Variants in TTBK1 observed in about 807,000 individuals in gnomAD.
TTBK1 encodes the protein tau tubulin kinase 1.
A neutral mutation model predicts 108.5 loss-of-function variants in TTBK1; 34 were observed. The ratio of observed to expected loss-of-function variants is 0.31; its 90% confidence interval spans 0.24 to 0.42. The LOEUF is 0.42. TTBK1 is among the 10% of genes least tolerant of loss of function. The pLI, the probability that TTBK1 is intolerant of heterozygous loss-of-function variation, is 1.00. For missense variants in TTBK1, 1,539 were observed against 1,826.0 expected, an observed-to-expected ratio of 0.84 and a Z score of 2.86; for synonymous variants, 809 against 795.1, an observed-to-expected ratio of 1.02 and a Z score of -0.29.
chr6:43,246,724 G>A lies in TTBK1; in HGVS notation c.64G>A (p.Asp22Asn). 1.9e-6 allele frequency: 3 copies of A among 1,610,628 alleles called. No individual in the cohort carries two copies. Among genetic ancestry groups the A allele is most frequent in the South Asian group, 1.1e-5 (1 of 90,690 alleles). The change falls in exon 2 of 15, where the codon GAC becomes AAC. Residue 22 changes from aspartate (D) to asparagine (N), a missense_variant. By Grantham distance (23) the Asp-to-Asn change is conservative. Around this residue, in one of 5 missense-constraint regions of TTBK1, gnomAD observed 45 missense variants for 38.0 expected, o/e 1.19. Coordinates refer to ENST00000259750, the MANE Select transcript of TTBK1 (RefSeq NM_032538.3). ...CATGAGTGGGGGAGGGGAGCAGGCC[G>A]ACATCCTGCCGGCCAACTACGTGGT... ...TNMSGGGEQA[D>N]ILPANYVVKD...
At chr6:43,268,231 C>T (rs1777733365) in intron 13 of TTBK1, among the ~76,000 whole-genome samples, 2 of 152,192 alleles carry the variant, frequency 1.3e-5, no homozygotes, top group Admixed American at 6.5e-5. Flanking sequence ...TCAAGCCACC[C>T]ACATGTGCTG....
At chr6:43,252,238 G>A (rs1777264498) in intron 2 of TTBK1, among the ~76,000 whole-genome samples, 1 of 150,026 alleles carries the variant, frequency 6.7e-6, no homozygotes, top group African/African-American at 2.5e-5. Context: ...GGTTGCTCAG[G>A]AGCTGAGCTG....
chr6:43,284,954 C>G, intron 14 of TTBK1, 29 bp from the exon 15 acceptor site: 1 of 1,501,810 alleles, frequency 6.7e-7, no homozygotes, highest in South Asian at 1.2e-5. Flanking sequence ...TTGCCCTCTT[C>G]TTTTCTCCTG....
In TTBK1 at chr6:43,263,191, G is replaced by T; in HGVS notation, c.1827G>T (p.Gln609His). 4 of 1,580,880 alleles carry T rather than the reference G, an allele frequency of 2.5e-6. No individual in the cohort carries two copies. The highest frequency in any genetic ancestry group is 3.4e-6 in the Non-Finnish European group (4 of 1,163,196). Residue 609 changes from glutamine to histidine, a missense_variant, in exon 13 of 15, where the codon CAG (glutamine) becomes CAT (histidine). Physicochemically the swap from Gln to His is conservative, Grantham distance 24. Transcript: ENST00000259750. The surrounding 1 kb of genome is among the most constrained non-coding windows in gnomAD (Gnocchi z 4.7). ...AGGCGCTGGCGGAGGAGGACCTGCA[G>T]CATTTGCCGCCCCAGCCCCTGCCAC... The part of the protein sequence containing the change: ...SMQALAEEDL[Q>H]HLPPQPLPPQ...
intron 1 of TTBK1, among the ~76,000 whole-genome samples, chr6:43,244,202 C>T (rs950020066): frequency 6.6e-6 from 1 of 152,028 alleles, no homozygotes; most frequent in Non-Finnish European, 1.5e-5. Context: ...GATCCTGTCG[C>T]TCCTCATCCC....
intron 13 of TTBK1, among the ~76,000 whole-genome samples, chr6:43,275,695 G>A (rs941198837): frequency 4.0e-5 from 6 of 151,668 alleles, no homozygotes; most frequent in Non-Finnish European, 5.9e-5. Context: ...CAACCCAACA[G>A]CCCCCTTTTT....
intron 13 of TTBK1, among the ~76,000 whole-genome samples, chr6:43,275,273 GCC>G (rs1777940696): frequency 6.6e-6 from 1 of 151,698 alleles, no homozygotes; most frequent in African/African-American, 2.4e-5. Context: ...GCCCCGCGGC[GCC>G]CTGCACCCCC....
In TTBK1 at chr6:43,269,897, C is replaced by T; in HGVS notation, c.1986+6547C>T. 1 of 1,514,018 alleles carries T rather than the reference C, an allele frequency of 6.6e-7. No homozygotes were observed. Among genetic ancestry groups the T allele is most frequent in the Non-Finnish European group, 8.8e-7 (1 of 1,134,688 alleles). The allele number at this position is 1,514,018 out of a possible 1,614,324, so 93.8% of individuals were successfully genotyped here. A position where few individuals can be genotyped will look rare whatever the true frequency, so the allele number is the denominator to read the frequency against. Reference sequence around the variant, plus strand: ...ACAGACTCATGCCCTCGGTGCTCCGCATCTCGCGGTCCCAGCTGCAGCAGG... The same window carrying T: ...ACAGACTCATGCCCTCGGTGCTCCGTATCTCGCGGTCCCAGCTGCAGCAGG... On this transcript the variant is annotated intron_variant, in intron 13 of 14. Coordinates refer to ENST00000259750, the MANE Select transcript of TTBK1 (RefSeq NM_032538.3). The surrounding 1 kb of genome is among the most constrained non-coding windows in gnomAD (Gnocchi z 4.8).
Position 43,283,990 on chromosome 6 carries a change from C to T in TTBK1, c.3250C>T (p.Arg1084Trp), listed in dbSNP as rs200236982. The T allele has an allele frequency of 1.0e-5, 16 of 1,605,420 alleles. No individual in the cohort carries two copies. Among genetic ancestry groups the T allele is most frequent in the South Asian group, 8.9e-5 (8 of 90,126 alleles). Residue 1084 changes from arginine to tryptophan, a missense_variant, in exon 14 of 15, where the codon CGG becomes TGG. Around this residue, in one of 5 missense-constraint regions of TTBK1, gnomAD observed 1,055 missense variants for 1,086.5 expected, o/e 0.97. Transcript: ENST00000259750. This position sits in a 1 kb window ranked among gnomAD's most constrained non-coding sequence, Gnocchi z 8.1. ...CAAAGAGCGGTGGAGCAAGCGGGCT[C>T]GGCCGCAGCAGGACCTGGCGCGGCT... ...SAKERWSKRA[R>W]PQQDLARLVM...
rs978827383 is a variant in TTBK1, at chr6:43,243,511, C to A, written c.-252C>A. Reference sequence around the variant, plus strand: ...GGGCAGCTCCCCGCTCTGCCGCTGCCGCCGCCGTCGCCCAAGGAGGATCGG... The same window carrying A: ...GGGCAGCTCCCCGCTCTGCCGCTGCAGCCGCCGTCGCCCAAGGAGGATCGG... On this transcript the variant is annotated 5_prime_UTR_variant, in exon 1 of 15. Transcript: ENST00000259750. This position sits in a 1 kb window ranked among gnomAD's most constrained non-coding sequence, Gnocchi z 5.5. Among the ~76,000 whole-genome samples, 5 of 152,034 alleles carry A rather than the reference C, an allele frequency of 3.3e-5. No individual in the cohort carries two copies. The highest frequency in any genetic ancestry group is 7.4e-5 in the Non-Finnish European group (5 of 67,938).
intron 2 of TTBK1, 45 bp downstream of exon 2, chr6:43,246,813 G>A (rs1338098552): frequency 6.6e-7 from 1 of 1,523,290 alleles, no homozygotes; most frequent in Middle Eastern, 1.7e-4. Context: ...AGCGGGGAGG[G>A]AGGCGAGGAC....
intron 2 of TTBK1, among the ~76,000 whole-genome samples, chr6:43,248,974 A>G (rs1004814859): frequency 6.6e-6 from 1 of 152,174 alleles, no homozygotes; most frequent in Non-Finnish European, 1.5e-5. Flanking sequence ...TCAAGAACTT[A>G]CCAAGTAGAT....
In TTBK1 at chr6:43,272,513, C is replaced by T. The variant is rs767065870; in HGVS notation, c.1986+9163C>T. On this transcript the variant is annotated intron_variant, in intron 13 of 14. Coordinates refer to ENST00000259750, the MANE Select transcript of TTBK1 (RefSeq NM_032538.3). ...TGACACCTGTGGGAGAGGGTGTGTCCTTTAAAGCAAGGCCATGGTTCAAAG... is the reference window on the plus strand; with the variant it reads ...TGACACCTGTGGGAGAGGGTGTGTCTTTTAAAGCAAGGCCATGGTTCAAAG... 6.1e-6 allele frequency: 6 copies of T among 985,314 alleles called. No homozygotes were observed. The African/African-American group carries it at 8.7e-5, about 14-fold the overall frequency. 61.0% of individuals were successfully genotyped at this position (985,314 alleles called of 1,614,324 possible).
chr6:43,270,174 GC>G, intron 13 of TTBK1: 1 of 1,356,634 alleles, frequency 7.4e-7, no homozygotes, highest in Non-Finnish European at 9.4e-7. Flanking sequence ...GTAGGTGCCA[GC>G]CAAATGGTGC....
rs970252939 is a variant in TTBK1, at chr6:43,281,156, C to G, written c.1987-1571C>G. ...TGGGAGGCCGAAGCGGGTGGATCAC[C>G]TGAGGTCAGGAGTTTGAGACCAGCC... On this transcript the variant is annotated intron_variant, in intron 13 of 14. Transcript: ENST00000259750. Among the ~76,000 whole-genome samples the G allele has an allele frequency of 1.6e-4, 25 of 151,890 alleles. 1 individual carries two copies. Among genetic ancestry groups the G allele is most frequent in the Admixed American group, 1.6e-3 (25 of 15,248 alleles).
At chr6:43,249,277 C>A (rs1777178067) in intron 2 of TTBK1, among the ~76,000 whole-genome samples, 1 of 152,146 alleles carries the variant, frequency 6.6e-6, no homozygotes, top group Non-Finnish European at 1.5e-5. Context: ...TCCTTCCTCC[C>A]AAGGACCAGT....
Position 43,259,240 on chromosome 6 carries a change from C to A in TTBK1, c.1219C>A (p.Arg407=). ...AGTCTGGGAGGAGACAGATGTCAAC[C>A]GGAACAAACTCCGGATCAACATCGG... is the stretch of plus-strand genomic sequence containing the variant. The part of the protein sequence containing the change: ...AEVWEETDVN[R]NKLRINIGKS... The change falls in exon 11 of 15, where the codon CGG becomes AGG. Residue 407 remains arginine, a synonymous_variant. Transcript: ENST00000259750. The surrounding 1 kb of genome is among the most constrained non-coding windows in gnomAD (Gnocchi z 6.7). 2 of 1,570,924 alleles carry A rather than the reference C, an allele frequency of 1.3e-6. No individual in the cohort carries two copies. Among genetic ancestry groups the A allele is most frequent in the Non-Finnish European group, 8.6e-7 (1 of 1,160,078 alleles).
rs1265316971 is a variant in TTBK1 at position 43,255,157 on chromosome 6, G to T, written c.642+43G>T. The T allele has an allele frequency of 1.9e-6, 3 of 1,556,416 alleles. No homozygotes were observed. In the East Asian group the frequency reaches 6.8e-5, roughly 35 times the overall value. ...GGATGCAGGATGTGGAGGTGGGAGG[G>T]GCAAGGTCGGGGTGCAGTGTGCTGC... On this transcript the variant is annotated intron_variant, in intron 7 of 14. Transcript: ENST00000259750.
chr6:43,258,052 A>G, intron 10 of TTBK1, 86 bp downstream of exon 10: 2 of 1,455,382 alleles, frequency 1.4e-6, no homozygotes, highest in Non-Finnish European at 1.8e-6. Flanking sequence ...CTCTCTTCCT[A>G]TCTGGACACA....
Sources: allele counts gnomAD v4.1 joint callset (sites outside exome capture counted in the v4.1 genomes callset), GRCh38; gene constraint gnomAD v4.1.1; regional missense constraint gnomAD v4.1.1; non-coding constraint Gnocchi (gnomAD v3.1); transcripts MANE v1.5; gene names NCBI Gene and HGNC (gene_info 2026-07-23, HGNC 2026-07-21).